Variants in SLC35F4 observed in about 807,000 individuals in gnomAD.
SLC35F4 encodes the protein chromosome 14 open reading frame 36.
Under a neutral mutation model 44.2 loss-of-function variants are expected in SLC35F4, and 24 were observed. That is an observed-to-expected ratio of 0.54 (90% CI 0.39 to 0.76). The LOEUF is 0.76. Among genes scored for constraint, SLC35F4 ranks in the 30% least tolerant of loss-of-function variants. The pLI is 0.00. For synonymous variants in SLC35F4, 238 were observed against 223.6 expected (o/e 1.06, Z -0.57); for missense variants, 562 against 586.1 (o/e 0.96, Z 0.42).
At chr14:57,853,114 G>C (rs1487213550) in intron 1 of SLC35F4, among the ~76,000 whole-genome samples, 1 of 152,148 alleles carries the variant, frequency 6.6e-6, no homozygotes, top group African/African-American at 2.4e-5. Context: ...CCTAGAAAAA[G>C]AAATACGTTT....
chr14:57,874,038 G>C (rs1265327385), intron 1 of SLC35F4, among the ~76,000 whole-genome samples: 1 of 152,150 alleles, frequency 6.6e-6, no homozygotes, highest in Non-Finnish European at 1.5e-5. Context: ...AGCTAATAAA[G>C]TGCTCTAAGT....
At chr14:57,693,040 AG>A (rs1206717200) in intron 1 of SLC35F4, among the ~76,000 whole-genome samples, 4 of 152,228 alleles carry the variant, frequency 2.6e-5, no homozygotes, top group Non-Finnish European at 5.9e-5. Flanking sequence ...TCATTATTCC[AG>A]TAACTATTTT....
At chr14:57,611,596 A>AAC (rs1213716805) in intron 1 of SLC35F4, among the ~76,000 whole-genome samples, 75 of 151,866 alleles carry the variant, frequency 4.9e-4, no homozygotes, top group Non-Finnish European at 8.2e-4. Context: ...AAAAAAAAAA[A>AAC]AACAAAAAAA....
chr14:57,949,585 C>T (rs1890098217), intron 1 of SLC35F4, among the ~76,000 whole-genome samples: 1 of 152,000 alleles, frequency 6.6e-6, no homozygotes, highest in Non-Finnish European at 1.5e-5. Flanking sequence ...TGCCTAAATA[C>T]CATGTTTTTT....
At chr14:57,910,729 T>G (rs1167632131) in intron 1 of SLC35F4, among the ~76,000 whole-genome samples, 1 of 152,068 alleles carries the variant, frequency 6.6e-6, no homozygotes, top group Non-Finnish European at 1.5e-5. Flanking sequence ...TCCTCCAACT[T>G]TGTGCTTCTC....
intron 1 of SLC35F4, among the ~76,000 whole-genome samples, chr14:57,715,586 G>A (rs1161274058): frequency 6.6e-6 from 1 of 152,190 alleles, no homozygotes; most frequent in Non-Finnish European, 1.5e-5. Context: ...TCCTGGGAGT[G>A]AGTGACTAAA....
chr14:57,801,429 C>G (rs113597191), intron 1 of SLC35F4, among the ~76,000 whole-genome samples: 1 of 152,184 alleles, frequency 6.6e-6, no homozygotes, highest in African/African-American at 2.4e-5. Context: ...AGCACACAGA[C>G]CAGTGACACT....
chr14:57,778,380 A>G (rs1358584867), intron 1 of SLC35F4, among the ~76,000 whole-genome samples: 1 of 152,218 alleles, frequency 6.6e-6, no homozygotes, highest in Non-Finnish European at 1.5e-5. Flanking sequence ...AAAGACAAGG[A>G]AGGACATTAA....
chr14:57,961,710 C>A (rs956390798), intron 1 of SLC35F4, among the ~76,000 whole-genome samples: 1 of 152,202 alleles, frequency 6.6e-6, no homozygotes, highest in Non-Finnish European at 1.5e-5. Flanking sequence ...TCCAGCCGCA[C>A]TGGAGGCCCA....
At chr14:57,814,394 C>T (rs1355585106) in intron 1 of SLC35F4, among the ~76,000 whole-genome samples, 1 of 152,208 alleles carries the variant, frequency 6.6e-6, no homozygotes, top group East Asian at 1.9e-4. Context: ...ACCCAAAGAC[C>T]TAGTCCAAAC....
At position 57,583,669 on chromosome 14, in the gene SLC35F4, C is replaced by G. The variant is rs538146774; in HGVS notation, c.588-2236G>C. On this transcript the variant is annotated intron_variant, in intron 3 of 7. Coordinates refer to ENST00000556826, the MANE Select transcript of SLC35F4 (RefSeq NM_001306087.2). ...TCAACCTGTCTTCCAGGTGTTCATT[C>G]CCTCGTTCTTCCCCTTTCTTTCCCC... Among the ~76,000 whole-genome samples the G allele has an allele frequency of 7.9e-5, 12 of 152,302 alleles. No homozygotes were observed. In the South Asian group the frequency reaches 2.1e-3, roughly 26 times the overall value.
At chr14:57,699,124 GA>G (rs886346360) in intron 1 of SLC35F4, among the ~76,000 whole-genome samples, 1 of 152,124 alleles carries the variant, frequency 6.6e-6, no homozygotes, top group African/African-American at 2.4e-5. Flanking sequence ...GACATTTTAT[GA>G]AATGAAAATG....
intron 1 of SLC35F4, among the ~76,000 whole-genome samples, chr14:57,817,797 G>C (rs1156287804): frequency 2.4e-4 from 37 of 152,122 alleles, no homozygotes; most frequent in Non-Finnish European, 1.5e-5. Context: ...CAGTGAACGA[G>C]GCAGAGATTA....
In SLC35F4 at chr14:57,963,616, A is replaced by G. The variant is rs560780617; in HGVS notation, n.282+18297T>C. 3.2e-4 allele frequency among the ~76,000 whole-genome samples: 48 copies of G among 151,330 alleles called. 1 individual carries two copies. In the South Asian group the frequency reaches 4.2e-3, roughly 13 times the overall value. On this transcript the variant is annotated intron_variant and non_coding_transcript_variant, in intron 1 of 1. Transcript: ENST00000556568. ...TCAGTGTTTACAGCGGGCTCACAGCACGTGGAACTGTCTGGGTGCTGAGAA... is the reference window on the plus strand; with the variant it reads ...TCAGTGTTTACAGCGGGCTCACAGCGCGTGGAACTGTCTGGGTGCTGAGAA...
chr14:57,938,505 T>A (rs1413734025), intron 1 of SLC35F4, among the ~76,000 whole-genome samples: 1 of 152,216 alleles, frequency 6.6e-6, no homozygotes, highest in Non-Finnish European at 1.5e-5. Context: ...GAGAGAACTA[T>A]ATCCACCTCA....
At chr14:57,766,731 A>G (rs1050508605) in intron 1 of SLC35F4, among the ~76,000 whole-genome samples, 8 of 152,244 alleles carry the variant, frequency 5.3e-5, no homozygotes, top group African/African-American at 1.9e-4. Flanking sequence ...CAGAAGCTCT[A>G]GTCTAACAAG....
chr14:57,708,681 C>A (rs760946220), intron 1 of SLC35F4, among the ~76,000 whole-genome samples: 18 of 152,078 alleles, frequency 1.2e-4, no homozygotes, highest in Non-Finnish European at 2.4e-4. Flanking sequence ...AATAAAGACA[C>A]AAGACAAAGA....
At chr14:57,573,258 A>G (rs1028047290) in intron 4 of SLC35F4, among the ~76,000 whole-genome samples, 2 of 152,206 alleles carry the variant, frequency 1.3e-5, no homozygotes, top group Admixed American at 1.3e-4. Flanking sequence ...AGTGGCCACC[A>G]AAAGCAAGGG....
At chr14:57,797,934 T>A (rs902738750) in intron 1 of SLC35F4, among the ~76,000 whole-genome samples, 2 of 151,868 alleles carry the variant, frequency 1.3e-5, no homozygotes, top group Admixed American at 6.6e-5. Context: ...AGACATAAAA[T>A]GTGCTTGTGC....
Sources: allele counts gnomAD v4.1 joint callset (sites outside exome capture counted in the v4.1 genomes callset), GRCh38; gene constraint gnomAD v4.1.1; transcripts MANE v1.5; gene names NCBI Gene and HGNC (gene_info 2026-07-23, HGNC 2026-07-21).